Variants in SEPTIN7 observed in about 807,000 individuals in gnomAD.
The protein encoded by SEPTIN7 is septin-7.
In SEPTIN7, 10 loss-of-function variants were observed where a neutral mutation model predicts 63.3. The observed-to-expected ratio is 0.16, with a 90% CI of 0.10 to 0.27. The LOEUF is 0.27. Among genes scored for constraint, SEPTIN7 ranks in the 10% least tolerant of loss-of-function variants. SEPTIN7 has a pLI of 1.00. For missense variants in SEPTIN7, 310 were observed against 521.0 expected (o/e 0.59, Z 3.94); for synonymous variants, 131 against 165.3 (o/e 0.79, Z 1.59).
chr7:35,801,490 G>A (rs182218784), intron 1 of SEPTIN7, among the ~76,000 whole-genome samples: 1,818 of 151,598 alleles, frequency 0.012, 59 homozygotes, highest in Admixed American at 0.063. Context: ...CGTGAGGAGA[G>A]CCGAGGCGGC....
intron 10 of SEPTIN7, among the ~76,000 whole-genome samples, chr7:35,886,729 A>G (rs1404318498): frequency 1.3e-5 from 2 of 152,112 alleles, no homozygotes; most frequent in Non-Finnish European, 2.9e-5. Flanking sequence ...ACTTTCCCAA[A>G]ACATAAGAAT....
At chr7:35,826,069 CATATT>C (rs1050151116) in intron 1 of SEPTIN7, among the ~76,000 whole-genome samples, 1 of 151,958 alleles carries the variant, frequency 6.6e-6, no homozygotes, top group African/African-American at 2.4e-5. Context: ...TTTTAGTTTT[CATATT>C]ATATTAAATC....
At chr7:35,875,797 A>C (rs1786441154) in intron 6 of SEPTIN7, among the ~76,000 whole-genome samples, 1 of 152,174 alleles carries the variant, frequency 6.6e-6, no homozygotes, top group Non-Finnish European at 1.5e-5. Context: ...ATACATACAA[A>C]AAAAATTTGT....
At chr7:35,902,558 G>A (rs1282578479) in intron 12 of SEPTIN7, 2 of 152,158 alleles carry the variant, frequency 1.3e-5, no homozygotes, top group East Asian at 3.9e-4. Flanking sequence ...AGAGTACTTT[G>A]CTGGCATCTT....
chr7:35,809,734 T>C (rs1385240659), intron 1 of SEPTIN7, among the ~76,000 whole-genome samples: 5 of 152,214 alleles, frequency 3.3e-5, no homozygotes, highest in Non-Finnish European at 5.9e-5. Context: ...AAGAGGTAAG[T>C]AGGCAACTGG....
chr7:35,888,359 ATTAT>A (rs1327272100), intron 10 of SEPTIN7, among the ~76,000 whole-genome samples: 1 of 152,206 alleles, frequency 6.6e-6, no homozygotes, highest in African/African-American at 2.4e-5. Flanking sequence ...GAAAAGAAAA[ATTAT>A]TCATTATCTA....
intron 1 of SEPTIN7, among the ~76,000 whole-genome samples, chr7:35,828,927 G>A (rs1011362689): frequency 9.2e-5 from 14 of 152,202 alleles, no homozygotes; most frequent in African/African-American, 3.4e-4. Flanking sequence ...GGATGGCTGA[G>A]AGCTATCTTT....
chr7:35,845,962 GT>G (rs373194460), intron 3 of SEPTIN7, among the ~76,000 whole-genome samples: 21 of 149,402 alleles, frequency 1.4e-4, no homozygotes, highest in African/African-American at 2.9e-4. Flanking sequence ...GATAACTCCT[GT>G]TTTTTTTTTG....
chr7:35,892,178 A>G (rs1416868977), intron 11 of SEPTIN7, among the ~76,000 whole-genome samples: 2 of 152,240 alleles, frequency 1.3e-5, no homozygotes, highest in African/African-American at 2.4e-5. Context: ...AGGATCAACT[A>G]TATAAATACG....
At chr7:35,856,610 C>CA (rs1367972860) in intron 3 of SEPTIN7, among the ~76,000 whole-genome samples, 2 of 152,156 alleles carry the variant, frequency 1.3e-5, no homozygotes, top group African/African-American at 4.8e-5. Context: ...CCAGAAAAAG[C>CA]AGACTGAGTT....
intron 4 of SEPTIN7, among the ~76,000 whole-genome samples, chr7:35,867,413 G>A (rs1406682487): frequency 1.3e-5 from 2 of 152,162 alleles, no homozygotes; most frequent in Non-Finnish European, 2.9e-5. Context: ...ATAGTGGCGC[G>A]ATCTCGGTTC....
intron 1 of SEPTIN7, among the ~76,000 whole-genome samples, chr7:35,804,827 C>CTTTTTT (rs1295875115): frequency 4.0e-5 from 5 of 123,638 alleles, no homozygotes; most frequent in African/African-American, 9.5e-5. Context: ...AAGCGTGTTT[C>CTTTTTT]TTTTTTTGTT....
At chr7:35,854,629 C>G (rs10232178) in intron 3 of SEPTIN7, among the ~76,000 whole-genome samples, 61 of 152,134 alleles carry the variant, frequency 4.0e-4, no homozygotes, top group African/African-American at 1.4e-3. Context: ...GCCTGCCTCT[C>G]ATTTACTCTG....
intron 3 of SEPTIN7, among the ~76,000 whole-genome samples, chr7:35,834,012 G>T (rs981958756): frequency 6.6e-6 from 1 of 151,982 alleles, no homozygotes; most frequent in African/African-American, 2.4e-5. Context: ...TGTATCTCTT[G>T]TTGAGTAGAA....
Position 35,832,835 on chromosome 7 carries a change from A to G in SEPTIN7, c.104A>G (p.Asn35Ser), listed in dbSNP as rs781017831. 8.1e-6 allele frequency: 13 copies of G among 1,611,738 alleles called. No homozygotes were observed. Among genetic ancestry groups the G allele is most frequent in the Admixed American group, 3.3e-5 (2 of 60,004 alleles). ...CTTGAAGGCTATGTGGGATTTGCCA[A>G]TCTCCCAAATCAAGTATACAGAAAA... ...KNLEGYVGFA[N>S]LPNQVYRKSV... Residue 35 changes from asparagine to serine, a missense_variant, in exon 3 of 14, where the codon AAT becomes AGT. By Grantham distance (46) the Asn-to-Ser change is conservative (BLOSUM62 1). Around this residue, in one of 2 missense-constraint regions of SEPTIN7, gnomAD observed 255 missense variants for 490.5 expected, o/e 0.52. Transcript: ENST00000350320.
intron 3 of SEPTIN7, among the ~76,000 whole-genome samples, chr7:35,858,603 C>G (rs1448578509): frequency 1.3e-5 from 2 of 152,116 alleles, no homozygotes; most frequent in African/African-American, 4.8e-5. Flanking sequence ...ATCTGCCCAC[C>G]TCAGCTTCCC....
At chr7:35,863,454 G>A in intron 3 of SEPTIN7, 98 bp from the exon 4 acceptor site, 1 of 645,176 alleles carries the variant, frequency 1.5e-6, no homozygotes. Flanking sequence ...TCACCAAGAA[G>A]TACTTGCATA....
chr7:35,837,257 ATTC>A (rs1784126419), intron 3 of SEPTIN7, among the ~76,000 whole-genome samples: 1 of 152,182 alleles, frequency 6.6e-6, no homozygotes, highest in African/African-American at 2.4e-5. Context: ...AACATTTAGT[ATTC>A]TTATGTGTAT....
chr7:35,801,064 C>T lies in SEPTIN7; in HGVS notation c.-146C>T. On this transcript the variant is annotated 5_prime_UTR_variant, in exon 1 of 14. Transcript: ENST00000350320. Reference sequence around the variant, plus strand: ...GACGGAGGAGGGAGCGGGAGTCGAGCGAGAGCCTGTGGAGGAGTCCGCCTG... The same window carrying T: ...GACGGAGGAGGGAGCGGGAGTCGAGTGAGAGCCTGTGGAGGAGTCCGCCTG... 1 of 533,326 alleles carries T rather than the reference C, an allele frequency of 1.9e-6. No homozygotes were observed. Among genetic ancestry groups the T allele is most frequent in the Admixed American group, 4.3e-5 (1 of 23,160 alleles). The allele number at this position is 533,326 out of a possible 1,614,324, so 33.0% of individuals were successfully genotyped here. A position where few individuals can be genotyped will look rare whatever the true frequency, so the allele number is the denominator to read the frequency against.
Sources: gnomAD v4.1 joint callset for allele counts (sites outside exome capture counted in the v4.1 genomes callset) on GRCh38, gnomAD v4.1.1 for gene constraint, gnomAD v4.1.1 regional missense constraint, MANE v1.5 for transcripts, NCBI Gene and HGNC (gene_info 2026-07-23, HGNC 2026-07-21) for gene names.